STXBP6: variants seen among roughly 807,000 people sequenced by gnomAD.
The protein encoded by STXBP6 is syntaxin-binding protein 6.
STXBP6 carries 21 observed loss-of-function variants against 26.9 expected under a neutral mutation model. That is an observed-to-expected ratio of 0.78 (90% CI 0.55 to 1.12). The LOEUF (loss-of-function observed/expected upper bound fraction) is 1.12. Ranked by LOEUF, STXBP6 falls within the 50% of genes most tolerant of loss-of-function variation. The pLI is 0.00. For missense variants in STXBP6, 232 were observed against 257.9 expected, an observed-to-expected ratio of 0.90 and a Z score of 0.69; for synonymous variants, 97 against 92.6, an observed-to-expected ratio of 1.05 and a Z score of -0.27.
rs368789881 is a variant in STXBP6, at chr14:25,014,033, T to C, written c.-33+35845A>G. ...TATTTACTAATAAAATAATAGGATG[T>C]CACGGATTTGTTTCAACATAATCCC... is the stretch of plus-strand genomic sequence containing the variant. On this transcript the variant is annotated intron_variant, in intron 1 of 5. Transcript: ENST00000323944. Among the ~76,000 whole-genome samples, 49 of 152,332 alleles carry C rather than the reference T, an allele frequency of 3.2e-4. 1 individual carries two copies. The highest frequency in any genetic ancestry group is 1.1e-3 in the African/African-American group (47 of 41,584).
rs574560554 is a variant in STXBP6, at chr14:24,834,370, G to C, written c.452-15176C>G. Among the ~76,000 whole-genome samples, 4 of 152,266 alleles carry C rather than the reference G, an allele frequency of 2.6e-5. No individual in the cohort carries two copies. In the South Asian group the frequency reaches 6.2e-4, roughly 24 times the overall value. On this transcript the variant is annotated intron_variant, in intron 4 of 5. Coordinates refer to ENST00000323944, the MANE Select transcript of STXBP6 (RefSeq NM_001394410.1). ...AATTTTAACAGAATCACACCTAAAA[G>C]ATAAATATTTCTGCCAATTTAAAAA...
chr14:24,859,002 C>T (rs854332), intron 2 of STXBP6, among the ~76,000 whole-genome samples: 137,096 of 152,204 alleles, frequency 0.9, 62,774 homozygotes, highest in East Asian at 1. Flanking sequence ...CTCCTATTTT[C>T]ACTTCTGGTC....
At chr14:24,987,953 T>G in intron 1 of STXBP6, 1 of 900,094 alleles carries the variant, frequency 1.1e-6, no homozygotes, top group Non-Finnish European at 1.3e-6. Context: ...CAAAGTACTT[T>G]CCCTCATGGA....
intron 2 of STXBP6, among the ~76,000 whole-genome samples, chr14:24,933,600 C>T (rs552305664): frequency 6.6e-6 from 1 of 151,146 alleles, no homozygotes; most frequent in Non-Finnish European, 1.5e-5. Flanking sequence ...TTTTATTTAA[C>T]TTTTTTTTTG....
At chr14:24,947,086 G>C (rs902781533) in intron 2 of STXBP6, among the ~76,000 whole-genome samples, 40 of 152,188 alleles carry the variant, frequency 2.6e-4, no homozygotes, top group African/African-American at 9.2e-4. Context: ...CTAGAAAATT[G>C]AAAGTGGCCC....
intron 1 of STXBP6, among the ~76,000 whole-genome samples, chr14:25,043,622 C>T (rs1344399207): frequency 6.6e-6 from 1 of 152,166 alleles, no homozygotes; most frequent in Non-Finnish European, 1.5e-5. Flanking sequence ...CTCTTCCAAC[C>T]CCTAGCAACC....
rs2067817204 is a variant in STXBP6 at position 24,811,323 on chromosome 14, T to C, written c.*1386A>G. 1.3e-5 allele frequency: 2 copies of C among 152,094 alleles called. No homozygotes were observed. Among genetic ancestry groups the C allele is most frequent in the Non-Finnish European group, 2.9e-5 (2 of 68,020 alleles). 9.4% of individuals were successfully genotyped at this position (152,094 alleles called of 1,614,324 possible). A position where few individuals can be genotyped will look rare whatever the true frequency, so the allele number is the denominator to read the frequency against. ...ATACATATCGACTCAATCAGCAAAA[T>C]GGATAGGATGGAATAGATAGGGGTC... On this transcript the variant is annotated 3_prime_UTR_variant, in exon 6 of 6. Coordinates refer to ENST00000323944, the MANE Select transcript of STXBP6 (RefSeq NM_001394410.1).
chr14:24,882,377 T>TTAAAAAAAA (rs1566441049), intron 2 of STXBP6, among the ~76,000 whole-genome samples: 2 of 12,966 alleles, frequency 1.5e-4, no homozygotes, highest in East Asian at 2.6e-3. Flanking sequence ...AGACTCCGTC[T>TTAAAAAAAA]CAAAAAAAAA....
chr14:24,810,865 C>CTCTCTGTGTGTGTGTG lies in STXBP6; in HGVS notation c.*1843_*1844insCACACACACACAGAGA, dbSNP rs373068735. The stretch of plus-strand genomic sequence containing the variant: ...CCAATTTGGAAAGATAAATACATCT[C>CTCTCTGTGTGTGTGTG]TGTGTGTGTGTGTGTGTGTGTGTGT... On this transcript the variant is annotated 3_prime_UTR_variant, in exon 6 of 6. Transcript: ENST00000323944. 8.0e-5 allele frequency: 11 copies of CTCTCTGTGTGTGTGTG among 137,670 alleles called. No individual in the cohort carries two copies. In the East Asian group the frequency reaches 2.0e-3, roughly 24 times the overall value. The allele number at this position is 137,670 out of a possible 1,614,324, so 8.5% of individuals were successfully genotyped here.
intron 2 of STXBP6, among the ~76,000 whole-genome samples, chr14:24,863,074 T>C (rs1011819763): frequency 6.6e-6 from 1 of 152,170 alleles, no homozygotes; most frequent in African/African-American, 2.4e-5. Context: ...TGTAAAAATA[T>C]GTAGATTTTT....
chr14:24,921,960 G>T (rs1180105668), intron 2 of STXBP6, among the ~76,000 whole-genome samples: 1 of 151,674 alleles, frequency 6.6e-6, no homozygotes, highest in Non-Finnish European at 1.5e-5. Context: ...ACACCCAGTG[G>T]ACTCCCATAT....
At chr14:24,893,511 A>G (rs1165105690) in intron 2 of STXBP6, among the ~76,000 whole-genome samples, 1 of 152,220 alleles carries the variant, frequency 6.6e-6, no homozygotes, top group Non-Finnish European at 1.5e-5. Flanking sequence ...GGAAATTCCC[A>G]AGCACTTAAG....
chr14:24,819,562 G>C, intron 4 of STXBP6: 1 of 498,040 alleles, frequency 2.0e-6, no homozygotes, highest in Non-Finnish European at 3.5e-6. Context: ...CACAGAATTA[G>C]GCAAGTTCAA....
At chr14:24,965,452 A>G (rs2073705726) in intron 2 of STXBP6, among the ~76,000 whole-genome samples, 1 of 151,848 alleles carries the variant, frequency 6.6e-6, no homozygotes, top group African/African-American at 2.4e-5. Flanking sequence ...ATGGTCATTA[A>G]CATGTTTTTA....
intron 2 of STXBP6, among the ~76,000 whole-genome samples, chr14:24,865,700 A>C (rs1020861672): frequency 5.3e-5 from 8 of 152,184 alleles, no homozygotes; most frequent in Admixed American, 6.5e-5. Flanking sequence ...TACAGATAAA[A>C]GTCCTGCTTC....
At chr14:24,925,654 C>T (rs1374876063) in intron 2 of STXBP6, among the ~76,000 whole-genome samples, 1 of 152,144 alleles carries the variant, frequency 6.6e-6, no homozygotes, top group African/African-American at 2.4e-5. Flanking sequence ...TTCTCAGAAA[C>T]CATCAATTCC....
intron 1 of STXBP6, among the ~76,000 whole-genome samples, chr14:25,015,316 C>G (rs1230134762): frequency 1.3e-5 from 2 of 152,158 alleles, no homozygotes; most frequent in African/African-American, 2.4e-5. Context: ...ACAGAGATAT[C>G]TGGGACCTAA....
intron 2 of STXBP6, among the ~76,000 whole-genome samples, chr14:24,890,982 G>A (rs2070765960): frequency 6.6e-6 from 1 of 152,166 alleles, no homozygotes; most frequent in Admixed American, 6.5e-5. Flanking sequence ...GTGCACTGCT[G>A]CCATCTGGGC....
At chr14:25,034,451 C>G (rs2075517286) in intron 1 of STXBP6, among the ~76,000 whole-genome samples, 1 of 152,218 alleles carries the variant, frequency 6.6e-6, no homozygotes, top group East Asian at 1.9e-4. Context: ...GTCGCTCATA[C>G]TGATGCACTT....
Sources: allele counts gnomAD v4.1 joint callset (sites outside exome capture counted in the v4.1 genomes callset), GRCh38; gene constraint gnomAD v4.1.1; transcripts MANE v1.5; gene names NCBI Gene and HGNC (gene_info 2026-07-23, HGNC 2026-07-21).